TAFA4: variants seen among roughly 807,000 people sequenced by gnomAD.
The protein encoded by TAFA4 is TAFA chemokine like family member 4, also known as chemokine-like protein TAFA-4.
In TAFA4, 20 loss-of-function variants were observed where a neutral mutation model predicts 21.1. The ratio of observed to expected loss-of-function variants is 0.95; its 90% confidence interval spans 0.67 to 1.38. The LOEUF (loss-of-function observed/expected upper bound fraction) is 1.38. Ranked by LOEUF, TAFA4 falls within the 40% of genes most tolerant of loss-of-function variation. The pLI is 0.00. For synonymous variants in TAFA4, 71 were observed against 67.4 expected (o/e 1.05, Z -0.26); for missense variants, 211 against 180.9 (o/e 1.17, Z -0.95).
intron 3 of TAFA4, among the ~76,000 whole-genome samples, chr3:68,846,815 C>A (rs1704812703): frequency 6.6e-6 from 1 of 152,144 alleles, no homozygotes; most frequent in Non-Finnish European, 1.5e-5. Flanking sequence ...GAGGTCCGCT[C>A]CAGACCCTGT....
chr3:68,892,832 T>C (rs903971919), intron 1 of TAFA4, among the ~76,000 whole-genome samples: 3 of 152,190 alleles, frequency 2.0e-5, no homozygotes, highest in Non-Finnish European at 4.4e-5. Flanking sequence ...AAGTAAAAAG[T>C]ACAAAAGCAA....
intron 1 of TAFA4, among the ~76,000 whole-genome samples, chr3:68,926,567 T>A (rs1394165145): frequency 2.0e-5 from 3 of 152,126 alleles, no homozygotes; most frequent in Non-Finnish European, 4.4e-5. Context: ...CCTTAAAAGT[T>A]GCCATTAGAG....
intron 1 of TAFA4, among the ~76,000 whole-genome samples, chr3:68,900,240 T>A (rs566669404): frequency 1.5e-5 from 2 of 132,840 alleles, no homozygotes; most frequent in African/African-American, 5.5e-5. Flanking sequence ...AGACTCTCTC[T>A]TAATAATAAT....
At chr3:68,827,840 A>G (rs942420716) in intron 3 of TAFA4, among the ~76,000 whole-genome samples, 2 of 152,018 alleles carry the variant, frequency 1.3e-5, no homozygotes, top group Non-Finnish European at 2.9e-5. Context: ...TTGCCTGTTC[A>G]CTCTGATGAT....
intron 3 of TAFA4, among the ~76,000 whole-genome samples, chr3:68,854,935 T>G (rs954926169): frequency 2.0e-5 from 3 of 152,174 alleles, no homozygotes; most frequent in Non-Finnish European, 2.9e-5. Context: ...TGTACCTGTC[T>G]GGATACACAG....
chr3:68,789,774 C>T (rs1045284971), intron 3 of TAFA4, among the ~76,000 whole-genome samples: 8 of 152,164 alleles, frequency 5.3e-5, no homozygotes, highest in East Asian at 1.9e-4. Context: ...AAATATCCAT[C>T]GGATGAATTA....
intron 3 of TAFA4, among the ~76,000 whole-genome samples, chr3:68,842,164 C>T (rs1220557697): frequency 6.6e-6 from 1 of 152,222 alleles, no homozygotes; most frequent in African/African-American, 2.4e-5. Context: ...CTCCCACCAA[C>T]AGTGTAAAAG....
At chr3:68,789,577 G>T (rs1010186364) in intron 3 of TAFA4, among the ~76,000 whole-genome samples, 1 of 151,996 alleles carries the variant, frequency 6.6e-6, no homozygotes, top group Non-Finnish European at 1.5e-5. Flanking sequence ...TAATAAAGCT[G>T]GGGGAGCACA....
chr3:68,879,129 C>A (rs1378347505), intron 3 of TAFA4, among the ~76,000 whole-genome samples: 2 of 152,136 alleles, frequency 1.3e-5, no homozygotes, highest in Non-Finnish European at 2.9e-5. Flanking sequence ...CAGCACTAAC[C>A]ATGAAGCCCA....
chr3:68,909,016 T>C lies in TAFA4; in HGVS notation c.-123+23224A>G, dbSNP rs562774104. ...ACATGTAGCTACTGAGCTCCTGATATGTAACTACTGTAGCTGAGGAACTGA... is the reference window on the plus strand; with the variant it reads ...ACATGTAGCTACTGAGCTCCTGATACGTAACTACTGTAGCTGAGGAACTGA... On this transcript the variant is annotated intron_variant, in intron 1 of 5. Coordinates refer to ENST00000295569, the MANE Select transcript of TAFA4 (RefSeq NM_182522.5). Among the ~76,000 whole-genome samples, 22 of 152,314 alleles carry C rather than the reference T, an allele frequency of 1.4e-4. No individual in the cohort carries two copies. In the South Asian group the frequency reaches 4.4e-3, roughly 30 times the overall value.
rs576258924 is a variant in TAFA4 at position 68,772,932 on chromosome 3, C to T, written c.131-19914G>A. Reference sequence around the variant, plus strand: ...GAACTCTGAATAACACTGCATGTTTCATCTTTTTAAAACAATAATTCCTTC... The same window carrying T: ...GAACTCTGAATAACACTGCATGTTTTATCTTTTTAAAACAATAATTCCTTC... On this transcript the variant is annotated intron_variant, in intron 3 of 5. Transcript: ENST00000295569. Among the ~76,000 whole-genome samples, 10 of 152,310 alleles carry T rather than the reference C, an allele frequency of 6.6e-5. No individual in the cohort carries two copies. The South Asian group carries it at 2.1e-3, about 32-fold the overall frequency.
chr3:68,769,208 C>T (rs1056454403), intron 3 of TAFA4, among the ~76,000 whole-genome samples: 14 of 152,154 alleles, frequency 9.2e-5, no homozygotes, highest in South Asian at 2.1e-4. Context: ...ATCTAGGTTG[C>T]ACGCTCCTTA....
At chr3:68,826,560 G>A (rs1169954907) in intron 3 of TAFA4, among the ~76,000 whole-genome samples, 29 of 133,278 alleles carry the variant, frequency 2.2e-4, no homozygotes, top group East Asian at 6.7e-4. Context: ...GCAACAGAGC[G>A]AGACTCTGCC....
At chr3:68,753,823 A>C (rs1702608963) in intron 3 of TAFA4, among the ~76,000 whole-genome samples, 1 of 152,234 alleles carries the variant, frequency 6.6e-6, no homozygotes, top group Admixed American at 6.5e-5. Flanking sequence ...GCCAATAACC[A>C]GAGTGAGCCT....
At chr3:68,930,815 C>T (rs1476568670) in intron 1 of TAFA4, among the ~76,000 whole-genome samples, 2 of 152,180 alleles carry the variant, frequency 1.3e-5, no homozygotes, top group Non-Finnish European at 2.9e-5. Flanking sequence ...CTATAAAACC[C>T]ACGCGAGCTA....
intron 3 of TAFA4, among the ~76,000 whole-genome samples, chr3:68,812,565 G>A (rs926500584): frequency 2.6e-5 from 4 of 152,090 alleles, no homozygotes; most frequent in Non-Finnish European, 4.4e-5. Flanking sequence ...ACAAAAATAA[G>A]AAGAGACAAA....
chr3:68,888,597 A>C (rs373640675), intron 1 of TAFA4, among the ~76,000 whole-genome samples: 11 of 152,252 alleles, frequency 7.2e-5, no homozygotes, highest in African/African-American at 2.6e-4. Flanking sequence ...GAATACCTGA[A>C]ACTGAAACAG....
At chr3:68,773,981 A>T (rs1157613287) in intron 3 of TAFA4, among the ~76,000 whole-genome samples, 2 of 152,218 alleles carry the variant, frequency 1.3e-5, no homozygotes, top group Non-Finnish European at 1.5e-5. Flanking sequence ...TTTCATTCAG[A>T]AACAAAGCCT....
intron 3 of TAFA4, among the ~76,000 whole-genome samples, chr3:68,850,605 C>G (rs940499416): frequency 6.6e-6 from 1 of 152,164 alleles, no homozygotes; most frequent in Non-Finnish European, 1.5e-5. Context: ...GAGATATTAT[C>G]TCACTGCAGT....
Sources: gnomAD v4.1 joint callset for allele counts (sites outside exome capture counted in the v4.1 genomes callset) on GRCh38, gnomAD v4.1.1 for gene constraint, MANE v1.5 for transcripts, NCBI Gene and HGNC (gene_info 2026-07-23, HGNC 2026-07-21) for gene names.